CTNNA3: variants seen among roughly 807,000 people sequenced by gnomAD.
CTNNA3 encodes the protein catenin alpha 3.
CTNNA3 carries 76 observed loss-of-function variants against 95.7 expected under a neutral mutation model. That is an observed-to-expected ratio of 0.79 (90% CI 0.66 to 0.96). The LOEUF (loss-of-function observed/expected upper bound fraction) is 0.96, where lower values mean the gene tolerates loss of function less well. CTNNA3 is among the 40% of genes least tolerant of loss of function. CTNNA3 has a pLI of 0.00. For missense variants in CTNNA3, 1,191 were observed against 1,089.8 expected (o/e 1.09, Z -1.31); for synonymous variants, 431 against 374.4 (o/e 1.15, Z -1.74).
intron 5 of CTNNA3, among the ~76,000 whole-genome samples, chr10:67,402,312 AC>A (rs1844952430): frequency 6.6e-6 from 1 of 152,232 alleles, no homozygotes; most frequent in South Asian, 2.1e-4. Context: ...GGAAGTATTA[AC>A]AGCAGAATAG....
chr10:67,595,730 G>A (rs955874467), intron 3 of CTNNA3, among the ~76,000 whole-genome samples: 1 of 152,162 alleles, frequency 6.6e-6, no homozygotes, highest in African/African-American at 2.4e-5. Flanking sequence ...TCAGTAGGGT[G>A]TTGAAGTCTC....
intron 17 of CTNNA3, among the ~76,000 whole-genome samples, chr10:65,952,692 C>G (rs2133212755): frequency 6.6e-6 from 1 of 152,326 alleles, no homozygotes; most frequent in African/African-American, 2.4e-5. Flanking sequence ...TGCCTACATT[C>G]TGTAAGCCCT....
chr10:66,928,583 G>A (rs1847204926), intron 7 of CTNNA3: 2 of 810,542 alleles, frequency 2.5e-6, no homozygotes, highest in Non-Finnish European at 3.8e-6. Context: ...TTGCTGGCAA[G>A]ATCCTTCCTT....
chr10:67,022,501 G>A (rs1853084991), intron 7 of CTNNA3, among the ~76,000 whole-genome samples: 1 of 152,084 alleles, frequency 6.6e-6, no homozygotes, highest in Non-Finnish European at 1.5e-5. Context: ...AATTTTCAGA[G>A]ATGACAAAGG....
intron 6 of CTNNA3, among the ~76,000 whole-genome samples, chr10:67,218,004 G>C (rs1025052983): frequency 6.6e-6 from 1 of 152,046 alleles, no homozygotes; most frequent in Non-Finnish European, 1.5e-5. Context: ...TTACCTTCAG[G>C]CTATGTGTAT....
chr10:66,562,873 G>A (rs1842595728), intron 10 of CTNNA3, among the ~76,000 whole-genome samples: 1 of 151,970 alleles, frequency 6.6e-6, no homozygotes. Flanking sequence ...ACCAATTACA[G>A]TTCATCCTAA....
chr10:66,687,876 T>A (rs1264684516), intron 9 of CTNNA3, among the ~76,000 whole-genome samples: 1 of 151,872 alleles, frequency 6.6e-6, no homozygotes, highest in Non-Finnish European at 1.5e-5. Context: ...CATAATTTAT[T>A]GAGGAAAAAA....
chr10:66,919,564 AT>A (rs1846680831), intron 7 of CTNNA3, among the ~76,000 whole-genome samples: 1 of 152,160 alleles, frequency 6.6e-6, no homozygotes, highest in African/African-American at 2.4e-5. Context: ...TAACCTTGCA[AT>A]GTCTCATTCA....
chr10:67,429,272 A>G (rs1846027941), intron 5 of CTNNA3, among the ~76,000 whole-genome samples: 1 of 152,052 alleles, frequency 6.6e-6, no homozygotes, highest in Non-Finnish European at 1.5e-5. Flanking sequence ...TTAAGAATAA[A>G]ATGATTTAGT....
chr10:66,387,250 G>GA (rs964668457), intron 11 of CTNNA3, among the ~76,000 whole-genome samples: 10 of 149,290 alleles, frequency 6.7e-5, no homozygotes, highest in East Asian at 2.0e-4. Flanking sequence ...CAATTTACTA[G>GA]AAAAAAAAAC....
intron 11 of CTNNA3, among the ~76,000 whole-genome samples, chr10:66,397,154 T>G (rs925789158): frequency 6.6e-6 from 1 of 151,668 alleles, no homozygotes; most frequent in Non-Finnish European, 1.5e-5. Flanking sequence ...ATAGTGGCAT[T>G]ATGAGTAGTT....
At chr10:67,652,003 A>C (rs1839890895) in intron 1 of CTNNA3, among the ~76,000 whole-genome samples, 1 of 152,182 alleles carries the variant, frequency 6.6e-6, no homozygotes, top group Non-Finnish European at 1.5e-5. Flanking sequence ...GGGTGGCTTA[A>C]ACGACAAACA....
chr10:67,114,359 G>T (rs537955441), intron 7 of CTNNA3, among the ~76,000 whole-genome samples: 51 of 152,058 alleles, frequency 3.4e-4, no homozygotes, highest in African/African-American at 1.2e-3. Flanking sequence ...GAGTAAAATG[G>T]AAATGTAAAA....
chr10:67,090,074 G>A (rs916385967), intron 7 of CTNNA3, among the ~76,000 whole-genome samples: 8 of 152,184 alleles, frequency 5.3e-5, no homozygotes, highest in Non-Finnish European at 1.2e-4. Context: ...GAAAATATCT[G>A]CCAATTTCTA....
At chr10:66,428,313 A>C (rs1413875977) in intron 11 of CTNNA3, among the ~76,000 whole-genome samples, 1 of 152,150 alleles carries the variant, frequency 6.6e-6, no homozygotes, top group African/African-American at 2.4e-5. Context: ...GGAAGACTTC[A>C]ACATCCCATT....
At chr10:67,624,848 G>T (rs1331007961) in intron 2 of CTNNA3, among the ~76,000 whole-genome samples, 2 of 152,152 alleles carry the variant, frequency 1.3e-5, no homozygotes, top group African/African-American at 4.8e-5. Context: ...TAAGATTAAT[G>T]GGAGAAAAGC....
intron 11 of CTNNA3, among the ~76,000 whole-genome samples, chr10:66,453,004 A>G (rs2093474412): frequency 6.6e-6 from 1 of 152,074 alleles, no homozygotes; most frequent in Non-Finnish European, 1.5e-5. Flanking sequence ...TCACGGGTTC[A>G]GGAGATTGAG....
At chr10:67,394,622 A>T (rs1031457673) in intron 5 of CTNNA3, among the ~76,000 whole-genome samples, 1 of 152,272 alleles carries the variant, frequency 6.6e-6, no homozygotes, top group Admixed American at 6.5e-5. Context: ...TATTAGAATG[A>T]CAATTCTCAC....
At chr10:67,233,792 A>G (rs947828809) in intron 5 of CTNNA3, among the ~76,000 whole-genome samples, 9 of 152,088 alleles carry the variant, frequency 5.9e-5, no homozygotes, top group African/African-American at 2.2e-4. Context: ...AAAAGAGAGA[A>G]GAATCAAATA....
Sources: gnomAD v4.1 joint callset for allele counts (sites outside exome capture counted in the v4.1 genomes callset) on GRCh38, gnomAD v4.1.1 for gene constraint, MANE v1.5 for transcripts, NCBI Gene and HGNC (gene_info 2026-07-23, HGNC 2026-07-21) for gene names.